Variants in ROBO3 observed in about 807,000 individuals in gnomAD.
ROBO3 encodes the protein roundabout homolog 3.
A neutral mutation model predicts 160.5 loss-of-function variants in ROBO3; 97 were observed. The observed-to-expected ratio is 0.60, with a 90% CI of 0.51 to 0.72. The LOEUF (loss-of-function observed/expected upper bound fraction) is 0.72, where lower values mean the gene tolerates loss of function less well. ROBO3 is among the 30% of genes least tolerant of loss of function. The pLI, the probability that ROBO3 is intolerant of heterozygous loss-of-function variation, is 0.00. For missense variants in ROBO3, 1,858 were observed against 1,846.5 expected, an observed-to-expected ratio of 1.01 and a Z score of -0.11; for synonymous variants, 780 against 746.2, an observed-to-expected ratio of 1.05 and a Z score of -0.74.
Position 124,872,654 on chromosome 11 carries a change from G to A in ROBO3, c.1330+102G>A. 1.6e-6 allele frequency: 2 copies of A among 1,233,582 alleles called. No individual in the cohort carries two copies. The highest frequency in any genetic ancestry group is 1.5e-5 in the South Asian group (1 of 65,832). 76.4% of individuals were successfully genotyped at this position (1,233,582 alleles called of 1,614,324 possible). ...AGTCTATATACTATGTCTGCAAGAG[G>A]AGAGATGTGTTCCTGAGGCATGACC... On this transcript the variant is annotated intron_variant, in intron 8 of 27. Coordinates refer to ENST00000397801, the MANE Select transcript of ROBO3 (RefSeq NM_022370.4). The surrounding 1 kb of genome is among the most constrained non-coding windows in gnomAD (Gnocchi z 4.3).
In ROBO3 at chr11:124,878,101, G is replaced by A. The variant is rs745697799; in HGVS notation, c.3151G>A (p.Ala1051Thr). Residue 1051 changes from alanine (A) to threonine (T), a missense_variant, in exon 21 of 28, where the codon GCT becomes ACT. Ala to Thr is a moderately conservative substitution (Grantham distance 58). Transcript: ENST00000397801. The surrounding 1 kb of genome is among the most constrained non-coding windows in gnomAD (Gnocchi z 4.3). Reference sequence around the variant, plus strand: ...AGATCTGGGTCCCTGGAGCCAGTACGCTCCTCCAGAGTGGAGCCAGGGGGA... The same window carrying A: ...AGATCTGGGTCCCTGGAGCCAGTACACTCCTCCAGAGTGGAGCCAGGGGGA... ...SGDLGPWSQY[A>T]PPEWSQGDSG... 3.1e-6 allele frequency: 5 copies of A among 1,610,562 alleles called. No homozygotes were observed. Among genetic ancestry groups the A allele is most frequent in the South Asian group, 2.2e-5 (2 of 90,634 alleles).
chr11:124,878,391 G>C lies in ROBO3; in HGVS notation c.3275G>C (p.Cys1092Ser), dbSNP rs771199444. The change falls in exon 22 of 28, where the codon TGT becomes TCT. Residue 1092 changes from cysteine (C) to serine (S), a missense_variant. Coordinates refer to ENST00000397801, the MANE Select transcript of ROBO3 (RefSeq NM_022370.4). This position sits in a 1 kb window ranked among gnomAD's most constrained non-coding sequence, Gnocchi z 4.3. The stretch of plus-strand genomic sequence containing the variant: ...GCCCTGCCCCCACCTCCTCCTTCTT[G>C]TGAACTGAGCTGCCTAGAAGGGCCG... ...PEALPPPPPS[C>S]ELSCLEGPEE... is the part of the protein sequence containing the mutation. 7.1e-5 allele frequency: 114 copies of C among 1,613,850 alleles called. No homozygotes were observed. The highest frequency in any genetic ancestry group is 9.2e-5 in the Non-Finnish European group (108 of 1,179,898).
intron 27 of ROBO3, 32 bp downstream of exon 27, chr11:124,880,640 C>T (rs1946559482): frequency 3.3e-6 from 5 of 1,502,500 alleles, no homozygotes; most frequent in African/African-American, 1.4e-5. Context: ...AAAATGAGGG[C>T]AGAGGACTAG....
In ROBO3 at chr11:124,874,107, G is replaced by A. The variant is rs1311936551; in HGVS notation, c.1822G>A (p.Gly608Ser). 2 of 1,613,850 alleles carry A rather than the reference G, an allele frequency of 1.2e-6. No individual in the cohort carries two copies. The highest frequency in any genetic ancestry group is 1.7e-6 in the Non-Finnish European group (2 of 1,179,904). ...AGNTWRTVAD[G>S]VQLETHTVSG... is the part of the protein sequence containing the mutation. Reference sequence around the variant, plus strand: ...CAACACATGGCGTACTGTGGCAGATGGCGTGCAGCTGGAGACACACACAGT... The same window carrying A: ...CAACACATGGCGTACTGTGGCAGATAGCGTGCAGCTGGAGACACACACAGT... Residue 608 changes from glycine (G) to serine (S), a missense_variant, in exon 12 of 28, where the codon GGC (glycine) becomes AGC (serine). Transcript: ENST00000397801.
chr11:124,869,393 TC>T lies in ROBO3; in HGVS notation c.488-56del, dbSNP rs1741487727. Reference sequence around the variant, plus strand: ...CCAAGACAACACTTTCCCTGTGTCCTCAGCCAGTTATGTCACTCTACACCCT... The same window carrying T: ...CCAAGACAACACTTTCCCTGTGTCCTAGCCAGTTATGTCACTCTACACCCT... On this transcript the variant is annotated intron_variant, in intron 2 of 27. Transcript: ENST00000397801. The surrounding 1 kb of genome is among the most constrained non-coding windows in gnomAD (Gnocchi z 4.2). 6.9e-7 allele frequency: 1 copy of T among 1,439,980 alleles called. No individual in the cohort carries two copies. Among genetic ancestry groups the T allele is most frequent in the Non-Finnish European group, 9.5e-7 (1 of 1,047,512 alleles). The allele number at this position is 1,439,980 out of a possible 1,614,324, so 89.2% of individuals were successfully genotyped here. A position where few individuals can be genotyped will look rare whatever the true frequency, so the allele number is the denominator to read the frequency against.
chr11:124,877,330 C>A (rs1946410816), intron 19 of ROBO3, 21 bp downstream of exon 19: 1 of 1,613,622 alleles, frequency 6.2e-7, no homozygotes, highest in Admixed American at 1.7e-5. Flanking sequence ...TAGCCCATTT[C>A]CTCAGGATGA....
rs1247941770 is a variant in ROBO3 at position 124,869,284 on chromosome 11, G to T, written c.487+156G>T. Among the ~76,000 whole-genome samples the T allele has an allele frequency of 6.6e-6, 1 of 152,148 alleles. No individual in the cohort carries two copies. The highest frequency in any genetic ancestry group is 1.5e-5 in the Non-Finnish European group (1 of 68,012). On this transcript the variant is annotated intron_variant, in intron 2 of 27. Coordinates refer to ENST00000397801, the MANE Select transcript of ROBO3 (RefSeq NM_022370.4). This position sits in a 1 kb window ranked among gnomAD's most constrained non-coding sequence, Gnocchi z 4.2. ...CTTTGATCTCTAATGGCCACACCAC[G>T]GCCAGAGAAGGAAGTGGATCTGACT...
At chr11:124,877,915 C>G (rs950700551) in intron 20 of ROBO3, 22 bp from the exon 21 acceptor site, 1 of 1,522,662 alleles carries the variant, frequency 6.6e-7, no homozygotes, top group African/African-American at 1.4e-5. Flanking sequence ...TGCTTCCGGG[C>G]CTCCCTCTTT....
chr11:124,878,573 T>A lies in ROBO3; in HGVS notation c.3321-11T>A, dbSNP rs777092776. Reference sequence around the variant, plus strand: ...GAGCCCTTTCCTTCTCTCCTGCCTCTTTGATCCCAGCTCAGAGCCAGAGGA... The same window carrying A: ...GAGCCCTTTCCTTCTCTCCTGCCTCATTGATCCCAGCTCAGAGCCAGAGGA... On this transcript the variant is annotated splice_polypyrimidine_tract_variant and intron_variant, in intron 22 of 27. Coordinates refer to ENST00000397801, the MANE Select transcript of ROBO3 (RefSeq NM_022370.4). This position sits in a 1 kb window ranked among gnomAD's most constrained non-coding sequence, Gnocchi z 4.3. 6.2e-7 allele frequency: 1 copy of A among 1,609,310 alleles called. No homozygotes were observed. The highest frequency in any genetic ancestry group is 1.1e-5 in the South Asian group (1 of 90,302).
rs1946495990 is a variant in ROBO3 at position 124,879,322 on chromosome 11, C to T, written c.3666C>T (p.Ser1222=). The part of the protein sequence containing the change: ...SPHLSPSPAP[S]TASSAPGRTW... ...ACCTCAGCCCCAGTCCTGCCCCTAG[C>T]ACAGCCAGCAGTGCCCCAGGTAAGT... The change falls in exon 24 of 28, where the codon AGC becomes AGT. Residue 1222 remains serine (S), a synonymous_variant. Transcript: ENST00000397801. 6.2e-7 allele frequency: 1 copy of T among 1,609,060 alleles called. No homozygotes were observed. The highest frequency in any genetic ancestry group is 1.7e-5 in the Admixed American group (1 of 59,636).
chr11:124,868,667 G>A, intron 1 of ROBO3, 135 bp from the exon 2 acceptor site: 1 of 879,746 alleles, frequency 1.1e-6, no homozygotes. Context: ...GAGGGAGAGG[G>A]TAGGCAGGTG....
At position 124,869,732 on chromosome 11, in the gene ROBO3, G is replaced by A; in HGVS notation, c.645+125G>A. On this transcript the variant is annotated intron_variant, in intron 3 of 27. Coordinates refer to ENST00000397801, the MANE Select transcript of ROBO3 (RefSeq NM_022370.4). This position sits in a 1 kb window ranked among gnomAD's most constrained non-coding sequence, Gnocchi z 4.2. ...AGACTAAGAGTCAGCTATACAGTGA[G>A]GGATAAGGAAGACGGAATTGGTATA... 7.8e-7 allele frequency: 1 copy of A among 1,288,192 alleles called. No homozygotes were observed. The highest frequency in any genetic ancestry group is 1.1e-6 in the Non-Finnish European group (1 of 943,316). The allele number at this position is 1,288,192 out of a possible 1,614,324, so 79.8% of individuals were successfully genotyped here. A position where few individuals can be genotyped will look rare whatever the true frequency, so the allele number is the denominator to read the frequency against.
At position 124,875,680 on chromosome 11, in the gene ROBO3, T is replaced by C; in HGVS notation, c.2416T>C (p.Tyr806His). Residue 806 changes from tyrosine to histidine, a missense_variant, in exon 15 of 28, where the codon TAC (tyrosine) becomes CAC (histidine). Coordinates refer to ENST00000397801, the MANE Select transcript of ROBO3 (RefSeq NM_022370.4). ...CCAGCAAAATGGGGTCATCACGGAA[T>C]ACCAGGTAGAGGGATTGAGGAGGGA... Reference protein sequence around the residue: ...PSQQNGVITEYQIWCLGNESR... With the variant: ...PSQQNGVITEHQIWCLGNESR... 2 of 1,605,836 alleles carry C rather than the reference T, an allele frequency of 1.2e-6. No homozygotes were observed. Among genetic ancestry groups the C allele is most frequent in the Non-Finnish European group, 1.7e-6 (2 of 1,176,446 alleles).
chr11:124,878,811 A>G lies in ROBO3; in HGVS notation c.3533+15A>G. 2 of 1,581,430 alleles carry G rather than the reference A, an allele frequency of 1.3e-6. No homozygotes were observed. The highest frequency in any genetic ancestry group is 2.2e-5 in the South Asian group (2 of 90,322). ...CAGATGCCCAGGTAGGGAGGTATAT[A>G]GTACCTCACTCATTGCAAGCCCTCT... On this transcript the variant is annotated intron_variant, in intron 23 of 27. Coordinates refer to ENST00000397801, the MANE Select transcript of ROBO3 (RefSeq NM_022370.4). This position sits in a 1 kb window ranked among gnomAD's most constrained non-coding sequence, Gnocchi z 4.3.
Position 124,869,615 on chromosome 11 carries a change from C to A in ROBO3, c.645+8C>A, listed in dbSNP as rs775725834. On this transcript the variant is annotated splice_region_variant and intron_variant, in intron 3 of 27. Coordinates refer to ENST00000397801, the MANE Select transcript of ROBO3 (RefSeq NM_022370.4). This position sits in a 1 kb window ranked among gnomAD's most constrained non-coding sequence, Gnocchi z 4.2. ...GAGGAAGGAAGGATCACGGTGAGGG[C>A]GGGATTATGATTGGAGACCCCAACA... 2.8e-5 allele frequency: 43 copies of A among 1,558,250 alleles called. No homozygotes were observed. In the South Asian group the frequency reaches 4.8e-4, roughly 18 times the overall value.
At chr11:124,874,042 C>T in intron 11 of ROBO3, 28 bp from the exon 12 acceptor site, 1 of 1,613,042 alleles carries the variant, frequency 6.2e-7, no homozygotes, top group Non-Finnish European at 8.5e-7. Flanking sequence ...CTGGCTTAGA[C>T]AACCCTGTCA....
rs748078835 is a variant in ROBO3, at chr11:124,877,142, A to G, written c.2780-19A>G. The G allele has an allele frequency of 3.1e-6, 5 of 1,613,668 alleles. No homozygotes were observed. The African/African-American group carries it at 4.0e-5, about 13-fold the overall frequency. ...CCTCATTTCACCTCTTCTTTCTCCC[A>G]CGGGTTCCTTTCTGGAAGCCTCTTT... On this transcript the variant is annotated intron_variant, in intron 17 of 27. Coordinates refer to ENST00000397801, the MANE Select transcript of ROBO3 (RefSeq NM_022370.4).
At chr11:124,866,805 G>T (rs190573179) in intron 1 of ROBO3, among the ~76,000 whole-genome samples, 1 of 152,140 alleles carries the variant, frequency 6.6e-6, no homozygotes, top group Non-Finnish European at 1.5e-5. Context: ...GGAAAAGGCC[G>T]ACCAGAAGGG....
chr11:124,877,208 G>A (rs1341898184), intron 18 of ROBO3, 24 bp downstream of exon 18: 1 of 1,613,902 alleles, frequency 6.2e-7, no homozygotes, highest in Admixed American at 1.7e-5. Context: ...GCCCCAGTGG[G>A]GTTCAGACCC....
Sources: gnomAD v4.1 joint callset for allele counts (sites outside exome capture counted in the v4.1 genomes callset) on GRCh38, gnomAD v4.1.1 for gene constraint, Gnocchi (gnomAD v3.1) non-coding constraint, MANE v1.5 for transcripts, NCBI Gene and HGNC (gene_info 2026-07-23, HGNC 2026-07-21) for gene names.